Variants in TRPM3 observed in about 807,000 individuals in gnomAD.
The protein encoded by TRPM3 is long transient receptor potential channel 3.
Under a neutral mutation model 181.2 loss-of-function variants are expected in TRPM3, and 77 were observed. The ratio of observed to expected loss-of-function variants is 0.42; its 90% CI spans 0.35 to 0.51. TRPM3 has a LOEUF of 0.51. Ranked by LOEUF, TRPM3 falls within the 20% of genes least tolerant of loss-of-function variation. The pLI is 0.01. For synonymous variants in TRPM3, 745 were observed against 796.4 expected, an observed-to-expected ratio of 0.94 and a Z score of 1.09; for missense variants, 1,759 against 2,196.7, an observed-to-expected ratio of 0.80 and a Z score of 3.98.
At chr9:70,905,609 C>T (rs2096453262) in intron 1 of TRPM3, among the ~76,000 whole-genome samples, 1 of 152,148 alleles carries the variant, frequency 6.6e-6, no homozygotes, top group South Asian at 2.1e-4. Flanking sequence ...TAAATGGAAG[C>T]ATCAACATTT....
At chr9:71,220,781 A>T (rs2080190582) in intron 1 of TRPM3, among the ~76,000 whole-genome samples, 1 of 152,148 alleles carries the variant, frequency 6.6e-6, no homozygotes, top group Non-Finnish European at 1.5e-5. Context: ...ACACACGAAA[A>T]TACCTGACCA....
chr9:71,127,730 C>CA (rs1188479021), intron 1 of TRPM3, among the ~76,000 whole-genome samples: 2 of 152,160 alleles, frequency 1.3e-5, no homozygotes, highest in African/African-American at 4.8e-5. Flanking sequence ...ATACCACTGG[C>CA]AGTGTATGTA....
chr9:70,698,564 C>T (rs567935817), intron 8 of TRPM3, among the ~76,000 whole-genome samples: 33 of 152,158 alleles, frequency 2.2e-4, no homozygotes, highest in Non-Finnish European at 3.8e-4. Context: ...TTTAATTTGA[C>T]ACTAGGTCTG....
chr9:70,543,054 T>C (rs1295518591), intron 25 of TRPM3, among the ~76,000 whole-genome samples: 1 of 152,188 alleles, frequency 6.6e-6, no homozygotes, highest in Non-Finnish European at 1.5e-5. Flanking sequence ...TGGAAAAAGA[T>C]ACGGTGGGAG....
At chr9:71,304,282 T>C (rs2087054630) in intron 1 of TRPM3, among the ~76,000 whole-genome samples, 1 of 152,172 alleles carries the variant, frequency 6.6e-6, no homozygotes, top group South Asian at 2.1e-4. Context: ...GATTTGAGTT[T>C]TGCTTTTCAG....
chr9:70,662,292 A>G (rs995157762), intron 9 of TRPM3, among the ~76,000 whole-genome samples: 2 of 152,224 alleles, frequency 1.3e-5, no homozygotes, highest in Non-Finnish European at 2.9e-5. Context: ...TCAAAGAGTT[A>G]AATCTAAGAT....
intron 1 of TRPM3, among the ~76,000 whole-genome samples, chr9:71,276,458 C>T (rs1565411578): frequency 6.6e-6 from 1 of 150,714 alleles, no homozygotes; most frequent in South Asian, 2.1e-4. Context: ...GTAGCATATA[C>T]AAAAAAAACT....
intron 1 of TRPM3, among the ~76,000 whole-genome samples, chr9:71,143,831 C>T (rs1277342921): frequency 6.6e-6 from 1 of 152,102 alleles, no homozygotes; most frequent in Non-Finnish European, 1.5e-5. Context: ...TCTTTTTTCT[C>T]CCTAACCTCA....
At position 70,559,566 on chromosome 9, in the gene TRPM3, C is replaced by T. The variant is rs116420285; in HGVS notation, c.3224-6256G>A. ...TACCCCATCTTGCATCCATGACAGA[C>T]GTTGCCAATTAATCTTGATGTTTTT... On this transcript the variant is annotated intron_variant, in intron 22 of 25. Transcript: ENST00000677713. Among the ~76,000 whole-genome samples, 311 of 152,298 alleles carry T rather than the reference C, an allele frequency of 2.0e-3. 1 individual carries two copies. Among genetic ancestry groups the T allele is most frequent in the African/African-American group, 6.9e-3 (288 of 41,566 alleles).
At chr9:70,911,099 G>C (rs2096533015) in intron 1 of TRPM3, among the ~76,000 whole-genome samples, 1 of 152,120 alleles carries the variant, frequency 6.6e-6, no homozygotes, top group East Asian at 1.9e-4. Flanking sequence ...CTTACCAGAG[G>C]ACTTTTCACA....
intron 1 of TRPM3, among the ~76,000 whole-genome samples, chr9:71,054,949 TA>T (rs1201272052): frequency 6.6e-6 from 1 of 152,138 alleles, no homozygotes; most frequent in Non-Finnish European, 1.5e-5. Context: ...ATGATGCATA[TA>T]AAGCCTTCTC....
intron 6 of TRPM3, among the ~76,000 whole-genome samples, chr9:70,791,813 CTG>C (rs2085487317): frequency 6.6e-6 from 1 of 152,168 alleles, no homozygotes; most frequent in Non-Finnish European, 1.5e-5. Context: ...ATATGGCAAA[CTG>C]TATTTTTTTC....
chr9:71,004,613 C>A (rs1470421455), intron 1 of TRPM3, among the ~76,000 whole-genome samples: 1 of 152,084 alleles, frequency 6.6e-6, no homozygotes, highest in African/African-American at 2.4e-5. Context: ...AAGAAACAAA[C>A]AAAGTTTTAG....
chr9:71,364,110 A>C (rs1233964410), intron 1 of TRPM3, among the ~76,000 whole-genome samples: 1 of 152,160 alleles, frequency 6.6e-6, no homozygotes, highest in African/African-American at 2.4e-5. Flanking sequence ...ATCTATAGGC[A>C]TGCAAAAACC....
At chr9:70,977,421 AC>A (rs2097315478) in intron 1 of TRPM3, among the ~76,000 whole-genome samples, 1 of 152,234 alleles carries the variant, frequency 6.6e-6, no homozygotes, top group African/African-American at 2.4e-5. Flanking sequence ...GGCGTGAGCC[AC>A]CACGCCTGGC....
chr9:70,623,665 C>T (rs764159787), intron 14 of TRPM3, among the ~76,000 whole-genome samples: 6 of 151,870 alleles, frequency 4.0e-5, no homozygotes, highest in Admixed American at 1.3e-4. Context: ...CAAATGCAAC[C>T]GTTTTACTTA....
In TRPM3 at chr9:70,535,812, G is replaced by A. The variant is rs998594814; in HGVS notation, c.*141C>T. 6.3e-5 allele frequency: 94 copies of A among 1,500,046 alleles called. 2 individuals carry two copies. The Middle Eastern group carries it at 9.1e-4, about 15-fold the overall frequency. The allele number at this position is 1,500,046 out of a possible 1,614,324, so 92.9% of individuals were successfully genotyped here. A position where few individuals can be genotyped will look rare whatever the true frequency, so the allele number is the denominator to read the frequency against. On this transcript the variant is annotated 3_prime_UTR_variant, in exon 26 of 26. Transcript: ENST00000677713. ...GATCTGTGGCCCAGAAGTCACCTTT[G>A]AGTTAACACCTCCCAAAGCATTGCT...
At chr9:70,841,399 A>G (rs897186374) in intron 5 of TRPM3, among the ~76,000 whole-genome samples, 4 of 151,922 alleles carry the variant, frequency 2.6e-5, no homozygotes, top group Non-Finnish European at 5.9e-5. Context: ...TGGATAAATT[A>G]GCATTTATAC....
rs558354798 is a variant in TRPM3, at chr9:70,553,216, G to A, written c.3318C>T (p.Ala1106=). The change falls in exon 23 of 26, where the codon GCC becomes GCT. Residue 1106 remains alanine, a synonymous_variant. Transcript: ENST00000677713. ...AGATGTTTGCCACTAAGAGGTAGCAGGCCATGATGGCCGGCACGATCCAAG... is the reference window on the plus strand; with the variant it reads ...AGATGTTTGCCACTAAGAGGTAGCAAGCCATGATGGCCGGCACGATCCAAG... ...TGAWIVPAIM[A]CYLLVANILL... 1.2e-6 allele frequency: 2 copies of A among 1,614,156 alleles called. No individual in the cohort carries two copies. Among genetic ancestry groups the A allele is most frequent in the Admixed American group, 1.7e-5 (1 of 60,024 alleles).
Sources: gnomAD v4.1 joint callset for allele counts (sites outside exome capture counted in the v4.1 genomes callset) on GRCh38, gnomAD v4.1.1 for gene constraint, MANE v1.5 for transcripts, NCBI Gene and HGNC (gene_info 2026-07-23, HGNC 2026-07-21) for gene names.